Variants in VAT1L observed in about 807,000 individuals in gnomAD.
VAT1L encodes putative NADPH-dependent quinone oxidoreductase VAT1L.
In VAT1L, 34 loss-of-function variants were observed where a neutral mutation model predicts 44.1. The observed-to-expected ratio is 0.77, with a 90% CI of 0.59 to 1.03. VAT1L has a LOEUF of 1.03. VAT1L is among the 50% of genes least tolerant of loss of function. VAT1L has a pLI of 0.00. For synonymous variants in VAT1L, 253 were observed against 202.2 expected (o/e 1.25, Z -2.13); for missense variants, 615 against 538.8 (o/e 1.14, Z -1.40).
intron 3 of VAT1L, among the ~76,000 whole-genome samples, chr16:77,845,352 G>T (rs1168063371): frequency 6.6e-6 from 1 of 152,134 alleles, no homozygotes; most frequent in Non-Finnish European, 1.5e-5. Flanking sequence ...TCCTGAGTGT[G>T]CTCTCCCCCT....
At chr16:77,935,803 A>G (rs2017788246) in intron 7 of VAT1L, among the ~76,000 whole-genome samples, 1 of 152,174 alleles carries the variant, frequency 6.6e-6, no homozygotes, top group Non-Finnish European at 1.5e-5. Flanking sequence ...ACCATGGACA[A>G]AATATCTAAA....
chr16:77,795,282 GC>G (rs150580379), intron 1 of VAT1L, among the ~76,000 whole-genome samples: 97,139 of 142,272 alleles, frequency 0.68, 33,555 homozygotes, highest in East Asian at 0.88. Flanking sequence ...TACAGTGGGG[GC>G]GGGGGGAAAG....
intron 3 of VAT1L, 67 bp downstream of exon 3, chr16:77,825,528 T>C: frequency 1.3e-6 from 2 of 1,503,762 alleles, no homozygotes; most frequent in Non-Finnish European, 1.8e-6. Flanking sequence ...GACACCCCCC[T>C]GAGGTCTTAT....
At chr16:77,825,192 T>A in intron 2 of VAT1L, 54 bp from the exon 3 acceptor site, 1 of 1,600,320 alleles carries the variant, frequency 6.2e-7, no homozygotes, top group Admixed American at 1.7e-5. Flanking sequence ...TGTTCTCTCC[T>A]TGAGCCTCTG....
intron 5 of VAT1L, among the ~76,000 whole-genome samples, chr16:77,878,592 C>T (rs1193761208): frequency 6.6e-6 from 1 of 152,124 alleles, no homozygotes; most frequent in African/African-American, 2.4e-5. Flanking sequence ...CTCAGTTTCT[C>T]ATATGCTTGT....
chr16:77,920,927 C>CTGTG (rs10553687), intron 7 of VAT1L, among the ~76,000 whole-genome samples: 8,732 of 150,746 alleles, frequency 0.058, 319 homozygotes, highest in East Asian at 0.12. Context: ...TGTCATATGA[C>CTGTG]TGTGTGTGTG....
intron 1 of VAT1L, among the ~76,000 whole-genome samples, chr16:77,793,204 C>A (rs73574817): frequency 0.014 from 2,089 of 152,256 alleles, 54 homozygotes; most frequent in African/African-American, 0.047. Flanking sequence ...CTTGATCTCC[C>A]TGGCTCAAGT....
At chr16:77,889,239 T>C (rs114651790) in intron 7 of VAT1L, among the ~76,000 whole-genome samples, 1,641 of 152,284 alleles carry the variant, frequency 0.011, 33 homozygotes, top group African/African-American at 0.037. Context: ...GACTAGAAGA[T>C]TTAATAATAT....
At chr16:77,967,456 T>G (rs1597125903) in intron 7 of VAT1L, among the ~76,000 whole-genome samples, 2 of 152,198 alleles carry the variant, frequency 1.3e-5, no homozygotes, top group East Asian at 3.8e-4. Flanking sequence ...ATTTCTTTCC[T>G]TCAACATTGT....
At chr16:77,844,822 CACATAT>C (rs936610133) in intron 3 of VAT1L, among the ~76,000 whole-genome samples, 6 of 151,292 alleles carry the variant, frequency 4.0e-5, no homozygotes, top group African/African-American at 1.5e-4. Context: ...CAAACATATA[CACATAT>C]ACACACACGA....
intron 7 of VAT1L, among the ~76,000 whole-genome samples, chr16:77,961,076 C>A (rs1013901511): frequency 6.6e-6 from 1 of 152,080 alleles, no homozygotes; most frequent in Non-Finnish European, 1.5e-5. Context: ...ATAAATTTTT[C>A]TGAGAGCATC....
At chr16:77,860,232 C>A (rs2016902431) in intron 3 of VAT1L, among the ~76,000 whole-genome samples, 1 of 152,154 alleles carries the variant, frequency 6.6e-6, no homozygotes, top group South Asian at 2.1e-4. Flanking sequence ...GCCACTGGGT[C>A]AGTAGAACTT....
At chr16:77,934,700 C>T (rs891835728) in intron 7 of VAT1L, among the ~76,000 whole-genome samples, 2 of 152,082 alleles carry the variant, frequency 1.3e-5, no homozygotes, top group African/African-American at 2.4e-5. Context: ...AGGGTGATCA[C>T]CACAGCAAAC....
At chr16:77,975,502 G>A (rs1016904015) in intron 8 of VAT1L, among the ~76,000 whole-genome samples, 11 of 152,026 alleles carry the variant, frequency 7.2e-5, no homozygotes, top group Non-Finnish European at 1.6e-4. Context: ...GTGAGCCACC[G>A]CGCCCGGCCA....
chr16:77,843,578 A>G (rs568064372), intron 3 of VAT1L, among the ~76,000 whole-genome samples: 1 of 152,320 alleles, frequency 6.6e-6, no homozygotes, highest in South Asian at 2.1e-4. Flanking sequence ...CCAGTCAGGA[A>G]TGCATTAAGA....
At chr16:77,829,151 G>C (rs2016553674) in intron 3 of VAT1L, among the ~76,000 whole-genome samples, 1 of 152,156 alleles carries the variant, frequency 6.6e-6, no homozygotes. Flanking sequence ...TGTTGGGAGA[G>C]CCAGCCCAGA....
intron 3 of VAT1L, among the ~76,000 whole-genome samples, chr16:77,842,727 C>G (rs1027918098): frequency 2.6e-4 from 39 of 152,294 alleles, no homozygotes; most frequent in African/African-American, 9.1e-4. Flanking sequence ...CACCTCTGCT[C>G]TCTCTACTCC....
intron 8 of VAT1L, among the ~76,000 whole-genome samples, chr16:77,976,498 T>C (rs36021093): frequency 0.28 from 42,253 of 151,962 alleles, 6,343 homozygotes; most frequent in Middle Eastern, 0.34. Flanking sequence ...TGGGGAGAGC[T>C]GAGATTCAGG....
Position 77,938,736 on chromosome 16 carries a change from A to T in VAT1L, c.1078-33114A>T, listed in dbSNP as rs545300515. On this transcript the variant is annotated intron_variant, in intron 7 of 8. Coordinates refer to ENST00000302536, the MANE Select transcript of VAT1L (RefSeq NM_020927.3). Reference sequence around the variant, plus strand: ...GGCTGCGGAACCATGAGCCAATTAAACCTCTTTTCTTTATAAATTACCCAG... The same window carrying T: ...GGCTGCGGAACCATGAGCCAATTAATCCTCTTTTCTTTATAAATTACCCAG... 2.6e-5 allele frequency among the ~76,000 whole-genome samples: 4 copies of T among 152,032 alleles called. No individual in the cohort carries two copies. In the South Asian group the frequency reaches 8.3e-4, roughly 32 times the overall value.
Sources: gnomAD v4.1 joint callset for allele counts (sites outside exome capture counted in the v4.1 genomes callset) on GRCh38, gnomAD v4.1.1 for gene constraint, MANE v1.5 for transcripts, NCBI Gene and HGNC (gene_info 2026-07-23, HGNC 2026-07-21) for gene names.